The following SCIN variants were observed in gnomAD, a reference collection of about 807,000 sequenced individuals.
SCIN encodes the protein scinderin.
SCIN carries 91 observed loss-of-function variants against 91.8 expected under a neutral mutation model. The observed-to-expected ratio is 0.99, with a 90% CI of 0.84 to 1.18. The LOEUF is 1.18. Among genes scored for constraint, SCIN ranks in the 50% most tolerant of loss-of-function variants. The pLI, the probability that SCIN is intolerant of heterozygous loss-of-function variation, is 0.00. For missense variants in SCIN, 1,087 were observed against 863.9 expected (o/e 1.26, Z -3.24); for synonymous variants, 367 against 312.6 (o/e 1.17, Z -1.84).
chr7:12,633,657 G>A (rs926321070), intron 9 of SCIN, among the ~76,000 whole-genome samples: 7 of 152,284 alleles, frequency 4.6e-5, no homozygotes, highest in South Asian at 2.1e-4. Context: ...TTGTCTGTTC[G>A]GTGGTTGGAT....
At chr7:12,580,260 A>C (rs1782460451) in intron 2 of SCIN, among the ~76,000 whole-genome samples, 1 of 152,138 alleles carries the variant, frequency 6.6e-6, no homozygotes, top group South Asian at 2.1e-4. Flanking sequence ...TAATAGTAGA[A>C]ATAAAGATAT....
At position 12,649,489 on chromosome 7, in the gene SCIN, T is replaced by G; in HGVS notation, c.1904T>G (p.Phe635Cys). ...RFVIEEIPGE[F>C]TQDDLAEDDV... ...CAGATTGAAGAGATTCCAGGAGAGT[T>G]CACCCAGGATGATTTAGCTGAAGAT... The change falls in exon 14 of 16, where the codon TTC (phenylalanine) becomes TGC (cysteine). Residue 635 changes from phenylalanine to cysteine, a missense_variant. Transcript: ENST00000297029. 1.2e-6 allele frequency: 2 copies of G among 1,601,930 alleles called. No individual in the cohort carries two copies. The highest frequency in any genetic ancestry group is 1.7e-6 in the Non-Finnish European group (2 of 1,173,654).
At chr7:12,592,935 C>T (rs370644736) in intron 3 of SCIN, among the ~76,000 whole-genome samples, 7 of 152,128 alleles carry the variant, frequency 4.6e-5, no homozygotes, top group Non-Finnish European at 1.0e-4. Flanking sequence ...GGCCGGGAGC[C>T]GGGGCCCAGG....
intron 9 of SCIN, among the ~76,000 whole-genome samples, 195 bp downstream of exon 9, chr7:12,629,417 C>T (rs1290332638): frequency 6.6e-6 from 1 of 152,148 alleles, no homozygotes; most frequent in African/African-American, 2.4e-5. Context: ...GCAGGAGTCA[C>T]ATAAAGATCA....
intron 11 of SCIN, among the ~76,000 whole-genome samples, chr7:12,642,062 A>G (rs1783868685): frequency 6.6e-6 from 1 of 151,466 alleles, no homozygotes; most frequent in Non-Finnish European, 1.5e-5. Flanking sequence ...TGAATATTAT[A>G]TACTATATGT....
In SCIN at chr7:12,581,151, G is replaced by C. The variant is rs1396130230; in HGVS notation, c.446G>C (p.Arg149Thr). The change falls in exon 3 of 16, where the codon AGA becomes ACA. Residue 149 changes from arginine (R) to threonine (T), a missense_variant. Arg to Thr is a moderately conservative substitution (Grantham distance 71). Transcript: ENST00000297029. Reference protein sequence around the residue: ...LLHVKGRRVVRATEVPLSWDS... With the variant: ...LLHVKGRRVVTATEVPLSWDS... ...CATGTGAAGGGTCGTAGAGTGGTGA[G>C]AGCCACAGAAGTTCCCCTTAGCTGG... 6.4e-6 allele frequency: 10 copies of C among 1,551,500 alleles called. No homozygotes were observed. The highest frequency in any genetic ancestry group is 8.7e-6 in the Non-Finnish European group (10 of 1,146,842).
intron 9 of SCIN, 77 bp downstream of exon 9, chr7:12,629,299 TG>T: frequency 7.5e-7 from 1 of 1,331,074 alleles, no homozygotes; most frequent in Non-Finnish European, 1.0e-6. Flanking sequence ...CTATGCATTA[TG>T]GGGTAGAATA....
intron 6 of SCIN, among the ~76,000 whole-genome samples, 167 bp downstream of exon 6, chr7:12,625,309 T>C (rs1783492384): frequency 6.6e-6 from 1 of 151,772 alleles, no homozygotes; most frequent in South Asian, 2.1e-4. Context: ...ACCAACATCA[T>C]ATACCAGGGA....
intron 13 of SCIN, among the ~76,000 whole-genome samples, chr7:12,645,053 C>T (rs1783934713): frequency 6.9e-6 from 1 of 144,510 alleles, no homozygotes; most frequent in South Asian, 2.2e-4. Flanking sequence ...GGCGCGGTGG[C>T]TCATGCCTGT....
chr7:12,594,702 G>C (rs926641480), intron 3 of SCIN, among the ~76,000 whole-genome samples: 1 of 152,108 alleles, frequency 6.6e-6, no homozygotes, highest in Non-Finnish European at 1.5e-5. Context: ...GGTGAGGGTA[G>C]AGGAAGAAGG....
chr7:12,622,997 A>G, intron 5 of SCIN, 104 bp downstream of exon 5: 1 of 665,282 alleles, frequency 1.5e-6, no homozygotes, highest in Non-Finnish European at 2.6e-6. Flanking sequence ...AACTCTCCTC[A>G]TTGCTCTCCA....
rs1450052784 is a variant in SCIN, at chr7:12,659,446, T to TGATGCCTGAAGTTGGGA, written c.*6732_*6748dup. ...GAAAGCAGGAGATTCCCTTAACTGG[T>TGATGCCTGAAGTTGGGA]GATGCCTGAAGTTGGGATAAAGAGT... On this transcript the variant is annotated 3_prime_UTR_variant, in exon 16 of 16. Coordinates refer to ENST00000297029, the MANE Select transcript of SCIN (RefSeq NM_001112706.3). 6.6e-6 allele frequency: 1 copy of TGATGCCTGAAGTTGGGA among 152,190 alleles called. No homozygotes were observed. The highest frequency in any genetic ancestry group is 1.5e-5 in the Non-Finnish European group (1 of 68,040). 9.4% of individuals were successfully genotyped at this position (152,190 alleles called of 1,614,324 possible). A position where few individuals can be genotyped will look rare whatever the true frequency, so the allele number is the denominator to read the frequency against.
At chr7:12,593,929 G>A (rs749584435) in intron 3 of SCIN, among the ~76,000 whole-genome samples, 2 of 152,220 alleles carry the variant, frequency 1.3e-5, no homozygotes, top group Non-Finnish European at 2.9e-5. Flanking sequence ...CATGCCAAGT[G>A]AGTTCATAAG....
chr7:12,590,152 G>A (rs1006245683), intron 3 of SCIN, among the ~76,000 whole-genome samples: 4 of 152,168 alleles, frequency 2.6e-5, no homozygotes, highest in African/African-American at 9.6e-5. Flanking sequence ...ATGTAGGGAT[G>A]ATTTCTGTTA....
At chr7:12,605,040 C>T (rs1401882142) in intron 4 of SCIN, among the ~76,000 whole-genome samples, 1 of 151,794 alleles carries the variant, frequency 6.6e-6, no homozygotes, top group Non-Finnish European at 1.5e-5. Flanking sequence ...CAGGGTTTTA[C>T]TTGTTTTTTG....
At chr7:12,636,467 G>A (rs1783753895) in intron 10 of SCIN, among the ~76,000 whole-genome samples, 4 of 152,158 alleles carry the variant, frequency 2.6e-5, no homozygotes, top group African/African-American at 9.7e-5. Context: ...TTGTTCAACA[G>A]ATACAGTAGG....
rs1783180591 is a variant in SCIN at position 12,611,039 on chromosome 7, A to ACTG, written c.666+6381_666+6383dup. 2.0e-5 allele frequency: 3 copies of ACTG among 152,392 alleles called. 1 individual carries two copies. In the South Asian group the frequency reaches 6.2e-4, roughly 32 times the overall value. 9.4% of individuals were successfully genotyped at this position (152,392 alleles called of 1,614,324 possible). On this transcript the variant is annotated intron_variant, in intron 4 of 15. Coordinates refer to ENST00000297029, the MANE Select transcript of SCIN (RefSeq NM_001112706.3). ...TTTTCTTGCCAGGACAGCATGTAAC[A>ACTG]CTGCTGCCCGCTGCCTGGCTACCCT...
At chr7:12,608,765 A>G (rs1783133030) in intron 4 of SCIN, among the ~76,000 whole-genome samples, 1 of 152,132 alleles carries the variant, frequency 6.6e-6, no homozygotes, top group South Asian at 2.1e-4. Context: ...ATGTGAGCCT[A>G]CGCACCCGGC....
Position 12,659,850 on chromosome 7 carries a change from G to A in SCIN, c.*7135G>A, listed in dbSNP as rs1174238210. On this transcript the variant is annotated 3_prime_UTR_variant, in exon 16 of 16. Transcript: ENST00000297029. ...CCTGTGACCTGCACATATACATCCA[G>A]ATGGCCTGAAGCAATTGAAGATCTA... 5.8e-6 allele frequency: 1 copy of A among 172,472 alleles called. No homozygotes were observed. Among genetic ancestry groups the A allele is most frequent in the Non-Finnish European group, 1.2e-5 (1 of 81,174 alleles). The allele number at this position is 172,472 out of a possible 1,614,324, so 10.7% of individuals were successfully genotyped here.
Sources: gnomAD v4.1 joint callset for allele counts (sites outside exome capture counted in the v4.1 genomes callset) on GRCh38, gnomAD v4.1.1 for gene constraint, MANE v1.5 for transcripts, NCBI Gene and HGNC (gene_info 2026-07-23, HGNC 2026-07-21) for gene names.